Variants in AGBL1 observed in about 807,000 individuals in gnomAD.
AGBL1 encodes AGBL carboxypeptidase 1.
Under a neutral mutation model 118.9 loss-of-function variants are expected in AGBL1, and 130 were observed. The ratio of observed to expected loss-of-function variants is 1.09; its 90% CI spans 0.95 to 1.26. The LOEUF (loss-of-function observed/expected upper bound fraction) is 1.26. AGBL1 is among the 50% of genes most tolerant of loss of function. The probability of loss-of-function intolerance (pLI) is 0.00; values close to 1 mark genes in which losing one functional copy is unlikely to be tolerated. For synonymous variants in AGBL1, 555 were observed against 478.9 expected, an observed-to-expected ratio of 1.16 and a Z score of -2.08; for missense variants, 1,584 against 1,298.1, an observed-to-expected ratio of 1.22 and a Z score of -3.38.
chr15:86,963,892 A>T (rs897943904), intron 23 of AGBL1, among the ~76,000 whole-genome samples: 1 of 151,948 alleles, frequency 6.6e-6, no homozygotes, highest in Non-Finnish European at 1.5e-5. Flanking sequence ...AAAGCCAGAG[A>T]TAAGAGATCT....
chr15:86,958,705 A>T (rs1001854399), intron 23 of AGBL1, among the ~76,000 whole-genome samples: 2 of 152,164 alleles, frequency 1.3e-5, no homozygotes, highest in Non-Finnish European at 2.9e-5. Flanking sequence ...TCTTAGAAAA[A>T]TTTCACAAAT....
intron 23 of AGBL1, among the ~76,000 whole-genome samples, chr15:86,925,210 A>G (rs1327886514): frequency 6.7e-6 from 1 of 149,782 alleles, no homozygotes; most frequent in Non-Finnish European, 1.5e-5. Context: ...AAGAAGAAGA[A>G]AAGAAGAAGA....
At chr15:86,916,643 T>A (rs1357301195), downstream of AGBL1, among the ~76,000 whole-genome samples, 1 of 152,200 alleles carries the variant, frequency 6.6e-6, no homozygotes, top group Non-Finnish European at 1.5e-5. Context: ...ATATATGGCT[T>A]TGGGCTGACC....
chr15:86,471,424 A>G (rs971813105), intron 18 of AGBL1, among the ~76,000 whole-genome samples: 3 of 151,724 alleles, frequency 2.0e-5, no homozygotes, highest in African/African-American at 4.8e-5. Context: ...GACTGTTTCA[A>G]TGTGCTGTTA....
At chr15:86,811,366 T>G (rs1567184998) in intron 22 of AGBL1, among the ~76,000 whole-genome samples, 1 of 152,148 alleles carries the variant, frequency 6.6e-6, no homozygotes, top group Non-Finnish European at 1.5e-5. Context: ...AGTTCAGATA[T>G]GAGATAACTG....
At chr15:86,886,955 G>T (rs913321822) in intron 22 of AGBL1, among the ~76,000 whole-genome samples, 2 of 152,160 alleles carry the variant, frequency 1.3e-5, no homozygotes, top group Admixed American at 1.3e-4. Flanking sequence ...CAAAACAGAA[G>T]ATGACACAGA....
chr15:86,618,486 A>G (rs903556067), intron 21 of AGBL1, among the ~76,000 whole-genome samples: 16 of 152,160 alleles, frequency 1.1e-4, no homozygotes, highest in Admixed American at 9.2e-4. Context: ...AAAAATATAG[A>G]TCTCTGGGCT....
chr15:86,569,237 G>A (rs2083964127), intron 21 of AGBL1, among the ~76,000 whole-genome samples: 1 of 151,424 alleles, frequency 6.6e-6, no homozygotes, highest in Non-Finnish European at 1.5e-5. Flanking sequence ...TTTGAGACCA[G>A]CCTGGGCAAT....
chr15:86,083,416 T>C (rs1265295093), intron 1 of AGBL1: 1 of 152,266 alleles, frequency 6.6e-6, no homozygotes, highest in Non-Finnish European at 1.5e-5. Context: ...CACTCTGCAC[T>C]GTGATATGGG....
chr15:86,562,740 C>A (rs57779358), intron 21 of AGBL1, among the ~76,000 whole-genome samples: 103 of 152,278 alleles, frequency 6.8e-4, no homozygotes, highest in African/African-American at 2.3e-3. Flanking sequence ...CCTTGTACCT[C>A]TGGTAGAATT....
chr15:87,030,006 G>A (rs539694962), downstream of AGBL1, among the ~76,000 whole-genome samples: 13 of 150,962 alleles, frequency 8.6e-5, no homozygotes, highest in Middle Eastern at 6.3e-3. Flanking sequence ...TTTGACTAAG[G>A]ATAAATGAAA....
chr15:86,581,091 G>C (rs2084166176), intron 21 of AGBL1, among the ~76,000 whole-genome samples: 1 of 152,116 alleles, frequency 6.6e-6, no homozygotes, highest in African/African-American at 2.4e-5. Context: ...CTAAGTCAAA[G>C]TGTTGGAGAA....
intron 21 of AGBL1, among the ~76,000 whole-genome samples, chr15:86,595,131 C>T (rs966247526): frequency 6.6e-6 from 1 of 152,236 alleles, no homozygotes; most frequent in Non-Finnish European, 1.5e-5. Flanking sequence ...GTTGAAATGC[C>T]GTGAAGCTCT....
chr15:86,788,128 G>A (rs577759882), intron 22 of AGBL1, among the ~76,000 whole-genome samples: 14 of 152,318 alleles, frequency 9.2e-5, no homozygotes, highest in South Asian at 8.3e-4. Flanking sequence ...GGATCTAGAA[G>A]TTGATGGAGT....
At chr15:86,336,731 C>A (rs2080375269) in intron 17 of AGBL1, among the ~76,000 whole-genome samples, 1 of 152,140 alleles carries the variant, frequency 6.6e-6, no homozygotes, top group African/African-American at 2.4e-5. Context: ...TGGACACAAA[C>A]CTATCCCACT....
chr15:87,010,780 A>G (rs1416430985), intron 24 of AGBL1, among the ~76,000 whole-genome samples: 3 of 152,140 alleles, frequency 2.0e-5, no homozygotes, highest in Admixed American at 6.5e-5. Flanking sequence ...CAACCTTCAT[A>G]ATGACAAGAG....
chr15:86,655,810 G>C (rs1171835009), intron 21 of AGBL1, among the ~76,000 whole-genome samples: 2 of 152,198 alleles, frequency 1.3e-5, no homozygotes, highest in Non-Finnish European at 2.9e-5. Context: ...GGGAGAGGTG[G>C]AGTAGGGATA....
chr15:86,338,284 T>G (rs2080406127), intron 17 of AGBL1, among the ~76,000 whole-genome samples: 1 of 151,828 alleles, frequency 6.6e-6, no homozygotes, highest in Admixed American at 6.6e-5. Context: ...GACAGGAATG[T>G]GCTTGGTGGG....
At chr15:86,272,530 A>T (rs1301609423) in intron 15 of AGBL1, among the ~76,000 whole-genome samples, 1 of 152,248 alleles carries the variant, frequency 6.6e-6, no homozygotes, top group Non-Finnish European at 1.5e-5. Context: ...CCTCTAAAAA[A>T]GTATGATCAG....
Sources: allele counts gnomAD v4.1 joint callset (sites outside exome capture counted in the v4.1 genomes callset), GRCh38; gene constraint gnomAD v4.1.1; transcripts MANE v1.5; gene names NCBI Gene and HGNC (gene_info 2026-07-23, HGNC 2026-07-21).